Variants in RERE observed in about 807,000 individuals in gnomAD.
RERE encodes arginine-glutamic acid dipeptide repeats.
Under a neutral mutation model 146.1 loss-of-function variants are expected in RERE, and 40 were observed. The observed-to-expected ratio is 0.27, with a 90% CI of 0.21 to 0.36. RERE has a LOEUF of 0.36. Among genes scored for constraint, RERE ranks in the 10% least tolerant of loss-of-function variants. The pLI is 1.00. For synonymous variants in RERE, 1,003 were observed against 866.0 expected (o/e 1.16, Z -2.78); for missense variants, 1,933 against 2,138.7 (o/e 0.90, Z 1.90).
In RERE at chr1:8,360,791, C is replaced by G; in HGVS notation, c.2716G>C (p.Ala906Pro). The G allele has an allele frequency of 6.3e-7, 1 of 1,587,554 alleles. No individual in the cohort carries two copies. Among genetic ancestry groups the G allele is most frequent in the East Asian group, 2.3e-5 (1 of 44,414 alleles). ...CGTGGAGGCTGTTGGGACTGCAGCG[C>G]TGACTGAGAGGCTGGCAGCTGCAGG... ...TSLQLPASQSALQSQQPPREQ... is the reference protein window; with the variant it reads ...TSLQLPASQSPLQSQQPPREQ... The change falls in exon 18 of 23, where the codon GCG becomes CCG. Residue 906 changes from alanine to proline, a missense_variant. Around this residue, in one of 11 missense-constraint regions of RERE, gnomAD observed 1,255 missense variants for 1,153.8 expected, o/e 1.09. Coordinates refer to ENST00000400908, the MANE Select transcript of RERE (RefSeq NM_001042681.2).
At chr1:8,657,327 A>G (rs1330287389) in intron 1 of RERE, among the ~76,000 whole-genome samples, 1 of 150,398 alleles carries the variant, frequency 6.6e-6, no homozygotes, top group East Asian at 1.9e-4. Context: ...AAAAAAGAAG[A>G]AGAAAAGAAA....
chr1:8,381,372 C>T (rs962309054), intron 12 of RERE, among the ~76,000 whole-genome samples: 2 of 152,088 alleles, frequency 1.3e-5, no homozygotes, highest in Admixed American at 1.3e-4. Context: ...GAAACGCTAA[C>T]TTGAACTGAG....
intron 11 of RERE, chr1:8,434,554 A>C (rs1644141216): frequency 1.3e-5 from 2 of 151,864 alleles, no homozygotes; most frequent in African/African-American, 4.8e-5. Context: ...TGATAATGAC[A>C]CTCCTTCATT....
intron 1 of RERE, among the ~76,000 whole-genome samples, chr1:8,676,985 A>T (rs1428790846): frequency 1.3e-5 from 2 of 152,054 alleles, no homozygotes; most frequent in African/African-American, 4.8e-5. Flanking sequence ...GTCCTCCCTA[A>T]ACAGCCTCCC....
intron 7 of RERE, chr1:8,526,112 G>A: frequency 2.9e-6 from 3 of 1,050,518 alleles, no homozygotes; most frequent in Non-Finnish European, 3.5e-6. Context: ...CCAAGCTAGT[G>A]TGCAGGGAAG....
At chr1:8,780,995 A>G (rs1641153639) in intron 1 of RERE, among the ~76,000 whole-genome samples, 1 of 151,936 alleles carries the variant, frequency 6.6e-6, no homozygotes, top group African/African-American at 2.4e-5. Flanking sequence ...GCCAAGGTAG[A>G]AGAATCACTT....
At chr1:8,367,583 C>G (rs991859946) in intron 12 of RERE, among the ~76,000 whole-genome samples, 1 of 152,314 alleles carries the variant, frequency 6.6e-6, no homozygotes, top group African/African-American at 2.4e-5. Context: ...CCCAGGCCAG[C>G]AGGGCCAGGG....
intron 12 of RERE, among the ~76,000 whole-genome samples, chr1:8,416,537 GAC>G (rs1643773130): frequency 7.3e-6 from 1 of 137,864 alleles, no homozygotes; most frequent in Non-Finnish European, 1.5e-5. Flanking sequence ...AGTGAGCCGA[GAC>G]TGCATAACTG....
intron 12 of RERE, chr1:8,380,759 C>T (rs1234551983): frequency 2.3e-6 from 1 of 443,180 alleles, no homozygotes; most frequent in African/African-American, 2.0e-5. Context: ...AGAGATTTCT[C>T]TTTAAGGTGA....
At position 8,360,487 on chromosome 1, in the gene RERE, A is replaced by G; in HGVS notation, c.3020T>C (p.Leu1007Pro). ...LPSSPAQPPG[L>P]TQSQNLPPPP... ...CGGGGGCAGGTTCTGGCTCTGGGTC[A>G]GCCCGGGGGGCTGGGCGGGCGAGGA... The change falls in exon 18 of 23, where the codon CTG becomes CCG. Residue 1007 changes from leucine to proline, a missense_variant. Physicochemically the swap from Leu to Pro is moderately conservative, Grantham distance 98 (BLOSUM62 -3). Transcript: ENST00000400908. The G allele has an allele frequency of 8.1e-7, 1 of 1,234,042 alleles. No individual in the cohort carries two copies. The highest frequency in any genetic ancestry group is 1.0e-6 in the Non-Finnish European group (1 of 955,472). 76.4% of individuals were successfully genotyped at this position (1,234,042 alleles called of 1,614,324 possible).
At chr1:8,567,143 G>T (rs774742842) in intron 4 of RERE, among the ~76,000 whole-genome samples, 13 of 152,146 alleles carry the variant, frequency 8.5e-5, no homozygotes, top group Non-Finnish European at 1.6e-4. Context: ...AGAAATAGAA[G>T]ACCATGGCCA....
chr1:8,462,820 C>T (rs1644544106), intron 11 of RERE, among the ~76,000 whole-genome samples: 1 of 152,146 alleles, frequency 6.6e-6, no homozygotes, highest in Non-Finnish European at 1.5e-5. Context: ...GGGAGGATCA[C>T]TTGAGCCCAA....
intron 6 of RERE, among the ~76,000 whole-genome samples, chr1:8,546,014 G>A (rs1487209388): frequency 2.5e-5 from 2 of 81,252 alleles, no homozygotes; most frequent in Non-Finnish European, 4.3e-5. Context: ...TTTTGAGATA[G>A]GGTCTCCCTC....
chr1:8,679,903 T>A (rs1460380655), intron 1 of RERE, among the ~76,000 whole-genome samples: 1 of 152,224 alleles, frequency 6.6e-6, no homozygotes, highest in Non-Finnish European at 1.5e-5. Context: ...AGGCTGCTTA[T>A]ACACAGGAAG....
chr1:8,815,478 G>T (rs1438159285), intron 1 of RERE, among the ~76,000 whole-genome samples: 1 of 152,108 alleles, frequency 6.6e-6, no homozygotes, highest in Admixed American at 6.6e-5. Context: ...AGAGCTGAAC[G>T]TAAGGCCACA....
chr1:8,526,966 G>A (rs1470810031), intron 7 of RERE, among the ~76,000 whole-genome samples: 1 of 152,152 alleles, frequency 6.6e-6, no homozygotes, highest in African/African-American at 2.4e-5. Context: ...AAATTATAAA[G>A]GACAAGATAG....
At chr1:8,762,893 A>G (rs539821498) in intron 1 of RERE, among the ~76,000 whole-genome samples, 1 of 152,304 alleles carries the variant, frequency 6.6e-6, no homozygotes, top group Non-Finnish European at 1.5e-5. Flanking sequence ...ACCTGGGACC[A>G]TGGAAAATTA....
At chr1:8,698,280 C>G (rs1464853141) in intron 1 of RERE, among the ~76,000 whole-genome samples, 1 of 152,126 alleles carries the variant, frequency 6.6e-6, no homozygotes, top group Admixed American at 6.5e-5. Context: ...CTAAGAAATC[C>G]TGAAGAACAT....
rs546748847 is a variant in RERE, at chr1:8,475,607, A to G, written c.1105-9584T>C. 4.7e-5 allele frequency among the ~76,000 whole-genome samples: 7 copies of G among 149,068 alleles called. No homozygotes were observed. In the South Asian group the frequency reaches 6.5e-4, roughly 14 times the overall value. On this transcript the variant is annotated intron_variant, in intron 10 of 22. Transcript: ENST00000400908. ...TGAGGCAGAAGAATCTCTTGAACCC[A>G]GGAGGCGGAAGTTGCAGTGAGCCGA... is the stretch of plus-strand genomic sequence containing the variant.
Sources: allele counts gnomAD v4.1 joint callset (sites outside exome capture counted in the v4.1 genomes callset), GRCh38; gene constraint gnomAD v4.1.1; regional missense constraint gnomAD v4.1.1; transcripts MANE v1.5; gene names NCBI Gene and HGNC (gene_info 2026-07-23, HGNC 2026-07-21).